Variants in DMKN observed in about 807,000 individuals in gnomAD.
DMKN encodes dermokine, also known as epidermis-specific secreted protein SK30/SK89.
Under a neutral mutation model 67.6 loss-of-function variants are expected in DMKN, and 58 were observed. The observed-to-expected ratio is 0.86, with a 90% confidence interval of 0.69 to 1.07. The LOEUF (loss-of-function observed/expected upper bound fraction) is 1.07. DMKN is among the 50% of genes least tolerant of loss of function. DMKN has a pLI of 0.00. For missense variants in DMKN, 596 were observed against 601.5 expected, an observed-to-expected ratio of 0.99 and a Z score of 0.10; for synonymous variants, 240 against 232.3, an observed-to-expected ratio of 1.03 and a Z score of -0.30.
At chr19:35,504,594 A>AAC (rs397781763) in intron 9 of DMKN, among the ~76,000 whole-genome samples, 1 of 150,628 alleles carries the variant, frequency 6.6e-6, no homozygotes, top group East Asian at 1.9e-4. Context: ...AAAAAAAAAA[A>AAC]CAAAAGAAAG....
rs2069527529 is a variant in DMKN, at chr19:35,506,417, C to T, written c.1039-431G>A. 6.2e-6 allele frequency: 4 copies of T among 646,448 alleles called. No individual in the cohort carries two copies. In the African/African-American group the frequency reaches 7.1e-5, roughly 12 times the overall value. 40.0% of individuals were successfully genotyped at this position (646,448 alleles called of 1,614,324 possible). A position where few individuals can be genotyped will look rare whatever the true frequency, so the allele number is the denominator to read the frequency against. ...ACCCAGTCCCCTGAATCTCAATATTCAGACTCTTGCCTCCATCCTGGTCTG... is the reference window on the plus strand; with the variant it reads ...ACCCAGTCCCCTGAATCTCAATATTTAGACTCTTGCCTCCATCCTGGTCTG... On this transcript the variant is annotated intron_variant, in intron 7 of 15. Transcript: ENST00000339686.
chr19:35,500,229 C>A, intron 12 of DMKN, 200 bp from the exon 13 acceptor site: 1 of 1,266,230 alleles, frequency 7.9e-7, no homozygotes, highest in South Asian at 1.4e-5. Context: ...ACTGTCCTAG[C>A]CCAAATGGCC....
At chr19:35,504,645 A>C (rs1271746287) in intron 9 of DMKN, among the ~76,000 whole-genome samples, 1 of 152,038 alleles carries the variant, frequency 6.6e-6, no homozygotes, top group African/African-American at 2.4e-5. Context: ...AGAGAACATG[A>C]ATCCACTGTA....
At chr19:35,501,532 A>G (rs1030723210) in intron 11 of DMKN, among the ~76,000 whole-genome samples, 1 of 152,154 alleles carries the variant, frequency 6.6e-6, no homozygotes, top group Non-Finnish European at 1.5e-5. Context: ...TATACTTGGC[A>G]CACGTAGACA....
chr19:35,511,504 G>GCCACCACTGCTGCTGCCA lies in DMKN; in HGVS notation c.824_825insTGGCAGCAGCAGTGGTGG (p.Gly275_Ser276insGlySerSerSerGlyGly). 1 of 1,112,220 alleles carries GCCACCACTGCTGCTGCCA rather than the reference G, an allele frequency of 9.0e-7. No individual in the cohort carries two copies. 68.9% of individuals were successfully genotyped at this position (1,112,220 alleles called of 1,614,324 possible). On this transcript the variant is annotated inframe_insertion, in exon 5 of 16. Transcript: ENST00000339686. ...CGCCACTGCTGCCGCCACTGCTGCT[G>GCCACCACTGCTGCTGCCA]CCACTGCTGCTGCCACCACTGCTGC... is the stretch of plus-strand genomic sequence containing the variant.
intron 7 of DMKN, chr19:35,506,742 C>T (rs6510494): frequency 2.2e-5 from 7 of 323,196 alleles, no homozygotes; most frequent in Non-Finnish European, 3.7e-5. Context: ...GGCTGGGCAT[C>T]GTGGGTCACG....
At chr19:35,506,907 G>A in intron 7 of DMKN, 1 of 199,416 alleles carries the variant, frequency 5.0e-6, no homozygotes, top group Non-Finnish European at 1.0e-5. Flanking sequence ...CAGCTACTTG[G>A]GAGGCTGAGG....
intron 5 of DMKN, chr19:35,510,459 G>A: frequency 1.9e-6 from 3 of 1,552,034 alleles, no homozygotes; most frequent in Non-Finnish European, 2.6e-6. Flanking sequence ...AGGGTATTCG[G>A]AACTACGCAA....
intron 8 of DMKN, 35 bp from the exon 9 acceptor site, chr19:35,505,800 G>T: frequency 6.2e-7 from 1 of 1,614,098 alleles, no homozygotes; most frequent in Non-Finnish European, 8.5e-7. Flanking sequence ...TGGCCAAATT[G>T]AGTCATAAGG....
chr19:35,498,587 C>T, intron 15 of DMKN, 129 bp downstream of exon 15: 1 of 1,309,646 alleles, frequency 7.6e-7, no homozygotes, highest in Non-Finnish European at 1.1e-6. Flanking sequence ...GAGCACGCAC[C>T]CAGAGCATAC....
intron 11 of DMKN, among the ~76,000 whole-genome samples, chr19:35,501,574 C>A (rs959052123): frequency 6.6e-6 from 1 of 152,186 alleles, no homozygotes; most frequent in African/African-American, 2.4e-5. Context: ...TCAGTGCCCA[C>A]GGGTCCTGTT....
intron 10 of DMKN, 123 bp downstream of exon 10, chr19:35,502,707 A>T: frequency 9.9e-7 from 1 of 1,011,788 alleles, no homozygotes; most frequent in South Asian, 1.4e-5. Context: ...TCTGTCTCAA[A>T]AAAAAAAAGG....
At chr19:35,499,846 A>T in intron 13 of DMKN, 112 bp downstream of exon 13, 7 of 1,123,336 alleles carry the variant, frequency 6.2e-6, no homozygotes, top group Non-Finnish European at 9.2e-6. Flanking sequence ...ACTCAAAGAG[A>T]GCGGGATCCG....
chr19:35,509,741 T>G (rs1051194402), intron 7 of DMKN, 170 bp downstream of exon 7: 11 of 715,740 alleles, frequency 1.5e-5, no homozygotes, highest in South Asian at 3.7e-5. Flanking sequence ...TAATTAGTAC[T>G]TTGGAAATCG....
rs1417625613 is a variant in DMKN, at chr19:35,499,997, A to G, written c.1320T>C (p.Thr440=). Residue 440 remains threonine, a synonymous_variant, in exon 13 of 16, where the codon ACT becomes ACC. Coordinates refer to ENST00000339686, the MANE Select transcript of DMKN (RefSeq NM_033317.5). ...TGACTGAGTACTTCCCACCATAGGC[A>G]GTGGGATACGCATGCTGGTTGTAAT... is the stretch of plus-strand genomic sequence containing the variant. The part of the protein sequence containing the change: ...NYNYNQHAYP[T]AYGGKYSVKT... 3 of 1,614,198 alleles carry G rather than the reference A, an allele frequency of 1.9e-6. No homozygotes were observed. Among genetic ancestry groups the G allele is most frequent in the Non-Finnish European group, 2.5e-6 (3 of 1,180,044 alleles).
intron 14 of DMKN, 44 bp downstream of exon 14, chr19:35,498,830 C>T (rs756515969): frequency 6.2e-7 from 1 of 1,614,054 alleles, no homozygotes; most frequent in Non-Finnish European, 8.5e-7. Flanking sequence ...GGCCTCAGGC[C>T]CCTTCTCTCT....
chr19:35,508,205 C>T (rs1415954066), intron 7 of DMKN: 3 of 1,552,062 alleles, frequency 1.9e-6, no homozygotes, highest in Non-Finnish European at 1.7e-6. Flanking sequence ...ATCCTCTTAC[C>T]CTCATGTTGC....
In DMKN at chr19:35,502,843, C is replaced by T. The variant is rs1355369196; in HGVS notation, c.1178G>A (p.Ser393Asn). 6.2e-7 allele frequency: 1 copy of T among 1,614,058 alleles called. No homozygotes were observed. ...PPSTRALLYF[S>N]RLWEDFKQNT... Reference sequence around the variant, plus strand: ...GAATTCTCCTACCTCCCAGAGTCGGCTGAAGTAGAGGAGGGCTCGGGTGCT... The same window carrying T: ...GAATTCTCCTACCTCCCAGAGTCGGTTGAAGTAGAGGAGGGCTCGGGTGCT... The change falls in exon 10 of 16, where the codon AGC (serine) becomes AAC (asparagine). Residue 393 changes from serine to asparagine, a missense_variant. By Grantham distance (46) the Ser-to-Asn change is conservative. Coordinates refer to ENST00000339686, the MANE Select transcript of DMKN (RefSeq NM_033317.5).
At chr19:35,511,369 G>T (rs566897472) in intron 5 of DMKN, 42 bp downstream of exon 5, 1 of 1,604,060 alleles carries the variant, frequency 6.2e-7, no homozygotes, top group Non-Finnish European at 8.5e-7. Flanking sequence ...GACCACTAGG[G>T]CCTCACCCCA....
Sources: allele counts gnomAD v4.1 joint callset (sites outside exome capture counted in the v4.1 genomes callset), GRCh38; gene constraint gnomAD v4.1.1; transcripts MANE v1.5; gene names NCBI Gene and HGNC (gene_info 2026-07-23, HGNC 2026-07-21).